The following ALK variants were observed in gnomAD, a reference collection of about 807,000 sequenced individuals.
ALK encodes the protein ALK tyrosine kinase receptor.
In ALK, 74 loss-of-function variants were observed where a neutral mutation model predicts 163.1. The observed-to-expected ratio is 0.45, with a 90% CI of 0.38 to 0.55. The LOEUF (loss-of-function observed/expected upper bound fraction) is 0.55. Ranked by LOEUF, ALK falls within the 20% of genes least tolerant of loss-of-function variation. ALK has a pLI of 0.00. For synonymous variants in ALK, 960 were observed against 843.2 expected, an observed-to-expected ratio of 1.14 and a Z score of -2.40; for missense variants, 2,063 against 2,105.3, an observed-to-expected ratio of 0.98 and a Z score of 0.39.
At chr2:29,840,289 G>C (rs932824692) in intron 1 of ALK, among the ~76,000 whole-genome samples, 1 of 152,060 alleles carries the variant, frequency 6.6e-6, no homozygotes, top group South Asian at 2.1e-4. Flanking sequence ...TGGCAAATAG[G>C]TACATGTCCT....
At chr2:29,773,214 G>C (rs1681073635) in intron 1 of ALK, among the ~76,000 whole-genome samples, 1 of 149,706 alleles carries the variant, frequency 6.7e-6, no homozygotes, top group Non-Finnish European at 1.5e-5. Context: ...TTTTCTATCA[G>C]TAAAATACAC....
In ALK at chr2:29,467,915, TTTA is replaced by T. The variant is rs200326846; in HGVS notation, c.1154+63997_1154+63999del. Among the ~76,000 whole-genome samples, 675 of 152,348 alleles carry T rather than the reference TTTA, an allele frequency of 4.4e-3. 5 individuals are homozygous for T. The highest frequency in any genetic ancestry group is 0.015 in the African/African-American group (641 of 41,580). ...TACACCAATATTGTTATGTAACATA[TTTA>T]TTATTATTTGTAAATGAATAGGTAA... On this transcript the variant is annotated intron_variant, in intron 4 of 28. Transcript: ENST00000389048.
chr2:29,693,217 T>C (rs984267460), intron 3 of ALK, among the ~76,000 whole-genome samples: 1 of 152,178 alleles, frequency 6.6e-6, no homozygotes, highest in Non-Finnish European at 1.5e-5. Flanking sequence ...TTTGCTGTAA[T>C]CTCTAATCTA....
chr2:29,404,300 T>G (rs1669527149), intron 4 of ALK, among the ~76,000 whole-genome samples: 2 of 72,410 alleles, frequency 2.8e-5, no homozygotes, highest in Non-Finnish European at 2.7e-5. Context: ...GGAGCAAGAC[T>G]CCGTCTCAAA....
At chr2:29,556,117 C>T (rs192906137) in intron 3 of ALK, among the ~76,000 whole-genome samples, 118 of 152,268 alleles carry the variant, frequency 7.7e-4, no homozygotes, top group Middle Eastern at 3.4e-3. Context: ...CCTGTGATAG[C>T]CCAACTAGTA....
chr2:29,431,011 T>C (rs1429721744), intron 4 of ALK, among the ~76,000 whole-genome samples: 4 of 151,320 alleles, frequency 2.6e-5, no homozygotes, highest in Non-Finnish European at 4.4e-5. Context: ...TTTTTTTTTT[T>C]CTTCTGTATC....
At chr2:29,444,192 T>C (rs1467233804) in intron 4 of ALK, among the ~76,000 whole-genome samples, 1 of 152,152 alleles carries the variant, frequency 6.6e-6, no homozygotes, top group South Asian at 2.1e-4. Context: ...GGGAGCTCCA[T>C]TTATGAACTC....
intron 2 of ALK, among the ~76,000 whole-genome samples, chr2:29,702,073 G>A (rs1678758727): frequency 6.6e-6 from 1 of 152,080 alleles, no homozygotes; most frequent in African/African-American, 2.4e-5. Flanking sequence ...GACAGCCACT[G>A]ACTCTGAAAG....
chr2:29,594,276 T>C (rs1485631223), intron 3 of ALK, among the ~76,000 whole-genome samples: 2 of 152,196 alleles, frequency 1.3e-5, no homozygotes. Flanking sequence ...GCATATTGTG[T>C]CTGTATGGTG....
intron 6 of ALK, among the ~76,000 whole-genome samples, chr2:29,327,340 A>G (rs991966775): frequency 6.6e-6 from 1 of 152,196 alleles, no homozygotes; most frequent in South Asian, 2.1e-4. Flanking sequence ...GGGAAAGATG[A>G]CCAGACTCAA....
At chr2:29,622,991 C>T (rs1054086070) in intron 3 of ALK, among the ~76,000 whole-genome samples, 16 of 152,298 alleles carry the variant, frequency 1.1e-4, no homozygotes, top group South Asian at 6.2e-4. Flanking sequence ...ATGTGAGACG[C>T]GGTCCCTGGC....
chr2:29,630,337 G>C (rs901942512), intron 3 of ALK, among the ~76,000 whole-genome samples: 2 of 152,118 alleles, frequency 1.3e-5, no homozygotes, highest in African/African-American at 2.4e-5. Flanking sequence ...TGATTCTCTG[G>C]TATTAACAGA....
At chr2:29,843,026 T>C (rs1369299615) in intron 1 of ALK, among the ~76,000 whole-genome samples, 3 of 152,138 alleles carry the variant, frequency 2.0e-5, no homozygotes, top group Admixed American at 6.5e-5. Flanking sequence ...TTCTCCCCAC[T>C]GTATGAAGTC....
At chr2:29,223,245 G>A (rs1669855001) in intron 20 of ALK, 97 bp downstream of exon 20, 1 of 1,384,398 alleles carries the variant, frequency 7.2e-7, no homozygotes, top group Non-Finnish European at 1.0e-6. Context: ...GGAGGGCTCT[G>A]CCGGCCTTTT....
intron 4 of ALK, among the ~76,000 whole-genome samples, chr2:29,459,809 G>A (rs1184786745): frequency 6.6e-6 from 1 of 152,100 alleles, no homozygotes; most frequent in Non-Finnish European, 1.5e-5. Flanking sequence ...TTTAGTAACT[G>A]CATACCTCTG....
intron 4 of ALK, among the ~76,000 whole-genome samples, chr2:29,443,834 T>C (rs1356693187): frequency 3.3e-5 from 5 of 152,178 alleles, no homozygotes; most frequent in Non-Finnish European, 7.3e-5. Flanking sequence ...AGGAAGTCCT[T>C]ATGCCCCAGG....
intron 1 of ALK, among the ~76,000 whole-genome samples, chr2:29,829,539 A>G (rs1029049527): frequency 6.6e-6 from 1 of 152,198 alleles, no homozygotes; most frequent in Admixed American, 6.5e-5. Flanking sequence ...AAGTTTGTGT[A>G]TACTTTAGGC....
intron 1 of ALK, among the ~76,000 whole-genome samples, chr2:29,832,717 C>G (rs781655440): frequency 5.9e-5 from 9 of 152,228 alleles, no homozygotes; most frequent in Non-Finnish European, 1.0e-4. Flanking sequence ...TTTATCCATC[C>G]AGCCTACAAA....
At chr2:29,481,571 A>C (rs909588634) in intron 4 of ALK, among the ~76,000 whole-genome samples, 7 of 152,196 alleles carry the variant, frequency 4.6e-5, no homozygotes, top group African/African-American at 1.7e-4. Context: ...GGTTTCTAGA[A>C]TCTCCGACTT....
Sources: allele counts gnomAD v4.1 joint callset (sites outside exome capture counted in the v4.1 genomes callset), GRCh38; gene constraint gnomAD v4.1.1; transcripts MANE v1.5; gene names NCBI Gene and HGNC (gene_info 2026-07-23, HGNC 2026-07-21).